Variants in HLA-F observed in about 807,000 individuals in gnomAD.
HLA-F encodes the protein major histocompatibility complex, class I, F.
A neutral mutation model predicts 49.5 loss-of-function variants in HLA-F; 46 were observed. That is an observed-to-expected ratio of 0.93 (90% CI 0.73 to 1.19). The LOEUF (loss-of-function observed/expected upper bound fraction) is 1.19, where lower values mean the gene tolerates loss of function less well. HLA-F is among the 50% of genes most tolerant of loss of function. The pLI is 0.00. For synonymous variants in HLA-F, 203 were observed against 233.5 expected (o/e 0.87, Z 1.19); for missense variants, 496 against 579.6 (o/e 0.86, Z 1.48).
chr6:29,735,649 A>G (rs1344722730), intron 3 of HLA-F: 3 of 151,774 alleles, frequency 2.0e-5, no homozygotes, highest in African/African-American at 4.8e-5. Flanking sequence ...GACCTCTTTA[A>G]ATTTAATTTT....
Position 29,726,977 on chromosome 6 carries a change from G to T in HLA-F, c.1131G>T (p.Arg377=). The T allele has an allele frequency of 6.2e-7, 1 of 1,613,254 alleles. No homozygotes were observed. The highest frequency in any genetic ancestry group is 8.5e-7 in the Non-Finnish European group (1 of 1,180,024). The change falls in exon 7 of 7, where the codon CGG becomes CGT. Residue 377 remains arginine, a synonymous_variant. Coordinates refer to ENST00000259951, the MANE Select transcript of HLA-F (RefSeq NM_001098479.2). ...VLFQGYLGCL[R]SHSVLGRRKV... is the part of the protein sequence containing the mutation. ...TCCAAGGATATTTGGGCTGCCTCCG[G>T]AGTCACAGTGTCTTGGGCCGCCGGA...
downstream of HLA-F, among the ~76,000 whole-genome samples, chr6:29,731,223 A>AGATG (rs374128095): frequency 0.014 from 1,547 of 109,854 alleles, 21 homozygotes; most frequent in African/African-American, 0.031. Flanking sequence ...CCAATAGAGT[A>AGATG]GATGGATACA....
intron 6 of HLA-F, 113 bp from the exon 7 acceptor site, chr6:29,726,770 C>T: frequency 3.1e-6 from 4 of 1,284,612 alleles, no homozygotes; most frequent in Non-Finnish European, 3.4e-6. Flanking sequence ...AGAGTGTTGA[C>T]TTTGGCCACA....
chr6:29,737,251 G>T (rs1633098), intron 3 of HLA-F, among the ~76,000 whole-genome samples: 34,904 of 112,306 alleles, frequency 0.31, 4,662 homozygotes, highest in South Asian at 0.46. Flanking sequence ...ACCCTGAATA[G>T]ACGCAAACCT....
chr6:29,726,513 T>A (rs760685181), intron 6 of HLA-F: 3 of 1,542,056 alleles, frequency 1.9e-6, no homozygotes, highest in Admixed American at 3.8e-5. Flanking sequence ...TAAAAATATA[T>A]CTTTTTATAG....
At chr6:29,738,529 TA>T (rs1207560678), downstream of HLA-F, 4 of 152,220 alleles carry the variant, frequency 2.6e-5, no homozygotes, top group Non-Finnish European at 5.9e-5. Context: ...CCATAATAAG[TA>T]AACATTTACA....
At chr6:29,736,545 T>C in intron 3 of HLA-F, 1 of 362,426 alleles carries the variant, frequency 2.8e-6, no homozygotes, top group Non-Finnish European at 5.4e-6. Flanking sequence ...AAGTGGGCCG[T>C]GGATTTTCAC....
At chr6:29,734,201 T>C (rs1252431771) in intron 3 of HLA-F, among the ~76,000 whole-genome samples, 1 of 152,206 alleles carries the variant, frequency 6.6e-6, no homozygotes, top group Non-Finnish European at 1.5e-5. Flanking sequence ...GGGAGGCAGA[T>C]GGGTGAGTCA....
At chr6:29,724,590 A>G (rs1775792338) in intron 3 of HLA-F, 142 bp downstream of exon 3, 3 of 855,262 alleles carry the variant, frequency 3.5e-6, no homozygotes, top group Non-Finnish European at 5.4e-6. Flanking sequence ...CTGGCTTTCG[A>G]GATCCGGTAC....
At chr6:29,735,252 T>TGACTACTATATATAGTAC (rs1180622440) in intron 3 of HLA-F, 1 of 148,594 alleles carries the variant, frequency 6.7e-6, no homozygotes, top group Non-Finnish European at 1.5e-5. Context: ...TTTTATAGTA[T>TGACTACTATATATAGTAC]GACTACTATA....
At position 29,725,227 on chromosome 6, in the gene HLA-F, G is replaced by A; in HGVS notation, c.807G>A (p.Val269=). ...DGTFQKWAAV[V]VPPGEEQRYT... ...CCTTCCAGAAGTGGGCCGCTGTGGT[G>A]GTGCCTCCTGGAGAGGAACAGAGAT... Residue 269 remains valine, a synonymous_variant, in exon 4 of 7, where the codon GTG becomes GTA. Transcript: ENST00000259951. 4 of 1,614,010 alleles carry A rather than the reference G, an allele frequency of 2.5e-6. No homozygotes were observed. The highest frequency in any genetic ancestry group is 3.4e-6 in the Non-Finnish European group (4 of 1,179,910).
At chr6:29,736,247 C>A (rs2127600584) in intron 3 of HLA-F, 1 of 366,134 alleles carries the variant, frequency 2.7e-6, no homozygotes, top group Non-Finnish European at 5.3e-6. Context: ...CTTGCATGGG[C>A]CTTTTTGGGT....
intron 3 of HLA-F, chr6:29,736,710 T>A: frequency 4.1e-6 from 1 of 246,340 alleles, no homozygotes. Flanking sequence ...GTTCTGTCAG[T>A]TCTGGACACA....
At position 29,725,139 on chromosome 6, in the gene HLA-F, G is replaced by A. The variant is rs541971824; in HGVS notation, c.719G>A (p.Arg240Gln). The change falls in exon 4 of 7, where the codon CGG becomes CAG. Residue 240 changes from arginine to glutamine, a missense_variant. Transcript: ENST00000259951. ...GCGGAGATCACGCTGACCTGGCAGC[G>A]GGATGGGGAGGAACAGACCCAGGAC... is the stretch of plus-strand genomic sequence containing the variant. ...YPAEITLTWQ[R>Q]DGEEQTQDTE... The A allele has an allele frequency of 9.3e-6, 15 of 1,614,112 alleles. No homozygotes were observed. The highest frequency in any genetic ancestry group is 1.7e-5 in the Admixed American group (1 of 60,028).
Position 29,727,094 on chromosome 6 carries a change from C to T in HLA-F, c.1248C>T (p.Phe416=), listed in dbSNP as rs752475415. 1.7e-5 allele frequency: 27 copies of T among 1,612,782 alleles called. No individual in the cohort carries two copies. The highest frequency in any genetic ancestry group is 1.0e-4 in the Admixed American group (6 of 59,952). Residue 416 remains phenylalanine, a synonymous_variant, in exon 7 of 7, where the codon TTC becomes TTT. Coordinates refer to ENST00000259951, the MANE Select transcript of HLA-F (RefSeq NM_001098479.2). ...CCTTGCAAAGCCTTCGCTTTGGCTTCGGCTTTAGGAGGGGCAGGAGCTTCC... is the reference window on the plus strand; with the variant it reads ...CCTTGCAAAGCCTTCGCTTTGGCTTTGGCTTTAGGAGGGGCAGGAGCTTCC... The part of the protein sequence containing the change: ...FLALQSLRFG[F]GFRRGRSFLL...
rs1276778972 is a variant in HLA-F at position 29,727,072 on chromosome 6, T to G, written c.1226T>G (p.Leu409Trp). The change falls in exon 7 of 7, where the codon TTG becomes TGG. Residue 409 changes from leucine (L) to tryptophan (W), a missense_variant. Coordinates refer to ENST00000259951, the MANE Select transcript of HLA-F (RefSeq NM_001098479.2). ...TCTTTCAACACTGCCTTCTTGGCCT[T>G]GCAAAGCCTTCGCTTTGGCTTCGGC... ...WTSFNTAFLA[L>W]QSLRFGFGFR... 15 of 1,613,096 alleles carry G rather than the reference T, an allele frequency of 9.3e-6. No homozygotes were observed. Among genetic ancestry groups the G allele is most frequent in the East Asian group, 2.2e-5 (1 of 44,904 alleles).
chr6:29,737,446 A>T (rs1777217713), intron 3 of HLA-F, among the ~76,000 whole-genome samples: 2 of 152,212 alleles, frequency 1.3e-5, no homozygotes, highest in Non-Finnish European at 2.9e-5. Context: ...CTATAACTTT[A>T]GATGATAAAA....
At chr6:29,726,507 A>C in intron 6 of HLA-F, 1 of 1,550,072 alleles carries the variant, frequency 6.5e-7, no homozygotes, top group African/African-American at 1.4e-5. Context: ...AAAGAATAAA[A>C]ATATATCTTT....
Position 29,726,894 on chromosome 6 carries a change from G to A in HLA-F, c.1048G>A (p.Val350Ile). 6.2e-7 allele frequency: 1 copy of A among 1,603,590 alleles called. No homozygotes were observed. The highest frequency in any genetic ancestry group is 8.5e-7 in the Non-Finnish European group (1 of 1,179,782). ...TATCTTCTTCACAGCCTACTCAGTGGTCAGCGGAAACTTGATGATAACATG... is the reference window on the plus strand; with the variant it reads ...TATCTTCTTCACAGCCTACTCAGTGATCAGCGGAAACTTGATGATAACATG... Reference protein sequence around the residue: ...SYSQAAAYSVVSGNLMITWWS... With the variant: ...SYSQAAAYSVISGNLMITWWS... The change falls in exon 7 of 7, where the codon GTC (valine) becomes ATC (isoleucine). Residue 350 changes from valine (V) to isoleucine (I), a missense_variant. By Grantham distance (29) the Val-to-Ile change is conservative. Coordinates refer to ENST00000259951, the MANE Select transcript of HLA-F (RefSeq NM_001098479.2).
Sources: allele counts gnomAD v4.1 joint callset (sites outside exome capture counted in the v4.1 genomes callset), GRCh38; gene constraint gnomAD v4.1.1; transcripts MANE v1.5; gene names NCBI Gene and HGNC (gene_info 2026-07-23, HGNC 2026-07-21).